The following TLK2 variants were observed in gnomAD, a reference collection of about 807,000 sequenced individuals.
TLK2 encodes the protein tousled like kinase 2.
In TLK2, 6 loss-of-function variants were observed where a neutral mutation model predicts 117.3. That is an observed-to-expected ratio of 0.05 (90% CI 0.03 to 0.10). TLK2 has a LOEUF of 0.10. Among genes scored for constraint, TLK2 ranks in the 10% least tolerant of loss-of-function variants. The probability of loss-of-function intolerance (pLI) is 1.00; values close to 1 mark genes in which losing one functional copy is unlikely to be tolerated. For synonymous variants in TLK2, 257 were observed against 316.7 expected (o/e 0.81, Z 2.00); for missense variants, 299 against 901.2 (o/e 0.33, Z 8.56).
At chr17:62,486,932 T>G (rs2072462021) in intron 2 of TLK2, among the ~76,000 whole-genome samples, 3 of 152,232 alleles carry the variant, frequency 2.0e-5, no homozygotes, top group Non-Finnish European at 1.5e-5. Context: ...ATGTCAATGA[T>G]CATTTTACAA....
chr17:62,504,904 C>T (rs1459340335), intron 2 of TLK2, among the ~76,000 whole-genome samples: 1 of 152,004 alleles, frequency 6.6e-6, no homozygotes, highest in Non-Finnish European at 1.5e-5. Flanking sequence ...CACTTAGTGG[C>T]GTGATCTTGG....
At chr17:62,526,287 C>T (rs2076363187) in intron 6 of TLK2, among the ~76,000 whole-genome samples, 1 of 152,224 alleles carries the variant, frequency 6.6e-6, no homozygotes, top group Non-Finnish European at 1.5e-5. Context: ...ATGTATACCT[C>T]TCACTGCCTG....
chr17:62,609,796 CAG>C (rs2083596137), intron 21 of TLK2, among the ~76,000 whole-genome samples: 1 of 152,208 alleles, frequency 6.6e-6, no homozygotes, highest in Admixed American at 6.5e-5. Context: ...TCCATAAAAA[CAG>C]AGACAAAAAC....
intron 2 of TLK2, among the ~76,000 whole-genome samples, chr17:62,487,162 T>G (rs556385076): frequency 2.9e-4 from 44 of 152,076 alleles, no homozygotes; most frequent in African/African-American, 1.0e-3. Flanking sequence ...CGTGGTGGCA[T>G]GTGCCTGTAA....
rs1317458196 is a variant in TLK2 at position 62,573,437 on chromosome 17, C to T, written c.1121+70C>T. On this transcript the variant is annotated intron_variant, in intron 12 of 21. Transcript: ENST00000346027. ...CCCAAATACAAATGTTGATTGTCAC[C>T]GGCAATAGTTTTAAATTCTTGAGGT... 21 of 1,564,214 alleles carry T rather than the reference C, an allele frequency of 1.3e-5. No individual in the cohort carries two copies. In the East Asian group the frequency reaches 1.8e-4, roughly 14 times the overall value.
At chr17:62,527,112 T>C (rs571863159) in intron 6 of TLK2, among the ~76,000 whole-genome samples, 2 of 152,344 alleles carry the variant, frequency 1.3e-5, no homozygotes, top group East Asian at 3.9e-4. Flanking sequence ...GTCTTTGTAC[T>C]TGTTATTCCC....
At chr17:62,546,360 T>TTTTTTTTTTTTTAC (rs1555628571) in intron 7 of TLK2, among the ~76,000 whole-genome samples, 1 of 98,888 alleles carries the variant, frequency 1.0e-5, no homozygotes, top group African/African-American at 3.5e-5. Context: ...TTTTTTTTTT[T>TTTTTTTTTTTTTAC]ACATAATGAA....
intron 7 of TLK2, chr17:62,550,793 T>C (rs1567901641): frequency 6.6e-6 from 1 of 152,238 alleles, no homozygotes; most frequent in Non-Finnish European, 1.5e-5. Flanking sequence ...TGATTTTTAT[T>C]TTATTTATTT....
At chr17:62,597,872 T>A (rs528246069) in intron 17 of TLK2, among the ~76,000 whole-genome samples, 21 of 152,320 alleles carry the variant, frequency 1.4e-4, no homozygotes, top group Non-Finnish European at 2.2e-4. Context: ...TTTGGAAATG[T>A]TTCTCTGTAG....
At chr17:62,472,188 G>T (rs1400249273) in intron 1 of TLK2, among the ~76,000 whole-genome samples, 1 of 151,850 alleles carries the variant, frequency 6.6e-6, no homozygotes. Flanking sequence ...TTACAGGCGT[G>T]AGCCACCGCG....
At chr17:62,552,999 G>A (rs2078589620) in intron 8 of TLK2, among the ~76,000 whole-genome samples, 1 of 152,156 alleles carries the variant, frequency 6.6e-6, no homozygotes, top group South Asian at 2.1e-4. Flanking sequence ...CTTTAATTTA[G>A]GTAGTGTTCT....
At chr17:62,530,834 A>G (rs1390524803) in intron 6 of TLK2, among the ~76,000 whole-genome samples, 1 of 151,798 alleles carries the variant, frequency 6.6e-6, no homozygotes, top group Admixed American at 6.6e-5. Context: ...AAATAACTTT[A>G]TTTTGCTCTT....
chr17:62,471,666 A>G (rs1345018137), intron 1 of TLK2, among the ~76,000 whole-genome samples: 1 of 112,012 alleles, frequency 8.9e-6, no homozygotes, highest in Admixed American at 9.8e-5. Context: ...GTTCTAAGCC[A>G]GCGTCGGCTC....
chr17:62,589,911 A>G (rs559030666), intron 16 of TLK2, among the ~76,000 whole-genome samples: 1 of 151,836 alleles, frequency 6.6e-6, no homozygotes, highest in African/African-American at 2.4e-5. Context: ...GGTTCACGCC[A>G]TTCTCCTGCC....
chr17:62,472,598 C>T (rs367939857), intron 1 of TLK2, among the ~76,000 whole-genome samples: 2 of 151,988 alleles, frequency 1.3e-5, no homozygotes, highest in African/African-American at 2.4e-5. Context: ...ATTAGCTGGG[C>T]GAGGTGGCAC....
rs149816220 is a variant in TLK2 at position 62,520,964 on chromosome 17, G to C, written c.153+120G>C. ...GAGGCGGGCAGATTGCTTGAGGCTG[G>C]GAGTTGGAGACCAGCCTGGGCAACA... is the stretch of plus-strand genomic sequence containing the variant. On this transcript the variant is annotated intron_variant, in intron 3 of 21. Transcript: ENST00000346027. The C allele has an allele frequency of 4.3e-3, 4,892 of 1,139,100 alleles. 126 individuals carry two copies. The African/African-American group carries it at 0.063, about 15-fold the overall frequency. 70.6% of individuals were successfully genotyped at this position (1,139,100 alleles called of 1,614,324 possible).
At chr17:62,542,444 C>T (rs939486394) in intron 7 of TLK2, among the ~76,000 whole-genome samples, 6 of 152,274 alleles carry the variant, frequency 3.9e-5, no homozygotes, top group African/African-American at 9.6e-5. Context: ...GTTTACTCCT[C>T]GTTATGAAAG....
At chr17:62,600,937 CTT>C in intron 18 of TLK2, 117 bp downstream of exon 18, 1 of 1,042,118 alleles carries the variant, frequency 9.6e-7, no homozygotes, top group Non-Finnish European at 1.4e-6. Context: ...TAACATCTGA[CTT>C]TTGATTGCCT....
chr17:62,490,365 A>G (rs1479020437), intron 2 of TLK2, among the ~76,000 whole-genome samples: 1 of 152,102 alleles, frequency 6.6e-6, no homozygotes, highest in Non-Finnish European at 1.5e-5. Flanking sequence ...ATAAACCTAT[A>G]CGTTGAAATT....
Sources: gnomAD v4.1 joint callset for allele counts (sites outside exome capture counted in the v4.1 genomes callset) on GRCh38, gnomAD v4.1.1 for gene constraint, MANE v1.5 for transcripts, NCBI Gene and HGNC (gene_info 2026-07-23, HGNC 2026-07-21) for gene names.